CLRN2: variants seen among roughly 807,000 people sequenced by gnomAD.
The protein encoded by CLRN2 is clarin-2.
Under a neutral mutation model 20.1 loss-of-function variants are expected in CLRN2, and 17 were observed. That is an observed-to-expected ratio of 0.85 (90% CI 0.58 to 1.27). CLRN2 has a LOEUF of 1.27. Ranked by LOEUF, CLRN2 falls within the 50% of genes most tolerant of loss-of-function variation. The pLI is 0.00. For missense variants in CLRN2, 288 were observed against 299.5 expected (o/e 0.96, Z 0.28); for synonymous variants, 140 against 126.9 (o/e 1.10, Z -0.70).
chr4:17,519,818 C>T (rs1711790566), intron 1 of CLRN2, among the ~76,000 whole-genome samples: 1 of 152,128 alleles, frequency 6.6e-6, no homozygotes, highest in African/African-American at 2.4e-5. Context: ...GTAGAAAGAA[C>T]TGGTGCATTA....
At chr4:17,524,472 T>TATCA (rs894282947) in intron 2 of CLRN2, among the ~76,000 whole-genome samples, 1 of 152,146 alleles carries the variant, frequency 6.6e-6, no homozygotes, top group African/African-American at 2.4e-5. Flanking sequence ...TTATAATGTA[T>TATCA]ATCAATCAAT....
Position 17,527,077 on chromosome 4 carries a change from T to A in CLRN2, c.694T>A (p.Tyr232Asn). The A allele has an allele frequency of 6.2e-7, 1 of 1,613,768 alleles. No individual in the cohort carries two copies. Among genetic ancestry groups the A allele is most frequent in the Non-Finnish European group, 8.5e-7 (1 of 1,179,806 alleles). The change falls in exon 3 of 3, where the codon TAT (tyrosine) becomes AAT (asparagine). Residue 232 changes from tyrosine to asparagine, a missense_variant. Transcript: ENST00000511148. The part of the protein sequence containing the change: ...EATVTAEDIL[Y>N] ...CACGGTCACAGCTGAGGATATCTTG[T>A]ATTAATAGCCTTCCCCTGTTCACAA...
intron 2 of CLRN2, among the ~76,000 whole-genome samples, chr4:17,524,388 A>G (rs1489001661): frequency 6.6e-6 from 1 of 152,238 alleles, no homozygotes; most frequent in African/African-American, 2.4e-5. Flanking sequence ...AGGTACCATT[A>G]GAACAATAAT....
intron 1 of CLRN2, 71 bp from the exon 2 acceptor site, chr4:17,522,793 A>G (rs983088588): frequency 5.8e-5 from 88 of 1,530,176 alleles, no homozygotes; most frequent in Non-Finnish European, 3.0e-5. Flanking sequence ...CTTCGTGGTA[A>G]GCAAGCTTGG....
Position 17,527,082 on chromosome 4 carries a change from A to G in CLRN2, c.699A>G (p.Ter233=). ...TCACAGCTGAGGATATCTTGTATTA[A>G]TAGCCTTCCCCTGTTCACAACCTGT... The part of the protein sequence containing the change: ...ATVTAEDILY[*] Residue 233 remains the stop codon, a stop_retained_variant, in exon 3 of 3, where the codon TAA becomes TAG. Transcript: ENST00000511148. 6.2e-7 allele frequency: 1 copy of G among 1,613,652 alleles called. No individual in the cohort carries two copies. The highest frequency in any genetic ancestry group is 8.5e-7 in the Non-Finnish European group (1 of 1,179,784).
chr4:17,520,009 C>T (rs974676115), intron 1 of CLRN2, among the ~76,000 whole-genome samples: 2 of 152,010 alleles, frequency 1.3e-5, no homozygotes, highest in Non-Finnish European at 2.9e-5. Flanking sequence ...GCCCCAGCCT[C>T]GAATTTCTAA....
At chr4:17,519,246 A>T (rs534078431) in intron 1 of CLRN2, among the ~76,000 whole-genome samples, 2 of 152,356 alleles carry the variant, frequency 1.3e-5, no homozygotes, top group East Asian at 3.9e-4. Flanking sequence ...TGATAGAATG[A>T]TGCTGATAGA....
At chr4:17,515,613 C>T in intron 1 of CLRN2, 94 bp downstream of exon 1, 1 of 1,419,402 alleles carries the variant, frequency 7.0e-7, no homozygotes, top group Middle Eastern at 2.4e-4. Context: ...TTGGCTGCTG[C>T]CTCAACGTCA....
intron 1 of CLRN2, among the ~76,000 whole-genome samples, chr4:17,522,595 C>T (rs1711860632): frequency 6.6e-6 from 1 of 152,202 alleles, no homozygotes; most frequent in African/African-American, 2.4e-5. Flanking sequence ...GATCCCAGAG[C>T]TTCAAGCTCA....
chr4:17,521,900 C>T (rs1186015398), intron 1 of CLRN2, among the ~76,000 whole-genome samples: 1 of 152,152 alleles, frequency 6.6e-6, no homozygotes, highest in East Asian at 1.9e-4. Flanking sequence ...TCAGAAGATG[C>T]GTGTGACCCC....
At position 17,522,786 on chromosome 4, in the gene CLRN2, C is replaced by T. The variant is rs929259672; in HGVS notation, c.254-78C>T. On this transcript the variant is annotated intron_variant, in intron 1 of 2. Coordinates refer to ENST00000511148, the MANE Select transcript of CLRN2 (RefSeq NM_001079827.2). ...CCTCACCCCTGTCTGTCGAAGCCTT[C>T]GTGGTAAGCAAGCTTGGACTTCATG... 1.5e-5 allele frequency: 23 copies of T among 1,499,658 alleles called. No homozygotes were observed. The African/African-American group carries it at 1.8e-4, about 12-fold the overall frequency. 92.9% of individuals were successfully genotyped at this position (1,499,658 alleles called of 1,614,324 possible).
intron 2 of CLRN2, among the ~76,000 whole-genome samples, chr4:17,524,783 T>G (rs146789793): frequency 4.2e-4 from 63 of 150,620 alleles, no homozygotes; most frequent in South Asian, 1.0e-3. Context: ...TAGCTGTCCA[T>G]GGTGTCCGGT....
intron 2 of CLRN2, among the ~76,000 whole-genome samples, chr4:17,524,240 G>A (rs969274495): frequency 2.0e-5 from 3 of 150,630 alleles, no homozygotes; most frequent in Admixed American, 1.3e-4. Flanking sequence ...GTGTGTGCGC[G>A]CGCATGTTGA....
At chr4:17,525,076 T>C (rs1255970651) in intron 2 of CLRN2, among the ~76,000 whole-genome samples, 2 of 152,236 alleles carry the variant, frequency 1.3e-5, no homozygotes, top group Non-Finnish European at 2.9e-5. Flanking sequence ...TTTGAATATC[T>C]TTTGACTAAA....
chr4:17,515,965 T>C (rs550904917), intron 1 of CLRN2, among the ~76,000 whole-genome samples: 1 of 152,246 alleles, frequency 6.6e-6, no homozygotes, highest in East Asian at 1.9e-4. Flanking sequence ...CAGGAAACAG[T>C]AGAGCCGGAC....
intron 1 of CLRN2, among the ~76,000 whole-genome samples, chr4:17,518,015 T>C (rs1711723030): frequency 6.6e-6 from 1 of 151,058 alleles, no homozygotes; most frequent in African/African-American, 2.4e-5. Context: ...CAACCAGGAG[T>C]CTGTTTCTCC....
intron 1 of CLRN2, among the ~76,000 whole-genome samples, chr4:17,515,818 T>C (rs1000493695): frequency 3.9e-5 from 6 of 152,206 alleles, no homozygotes; most frequent in African/African-American, 1.4e-4. Context: ...GTGTCAGACA[T>C]TGTAAGCACC....
rs1018857416 is a variant in CLRN2, at chr4:17,515,627, A to T, written c.253+108A>T. The T allele has an allele frequency of 7.8e-6, 10 of 1,275,190 alleles. No homozygotes were observed. In the East Asian group the frequency reaches 2.0e-4, roughly 25 times the overall value. 79.0% of individuals were successfully genotyped at this position (1,275,190 alleles called of 1,614,324 possible). A position where few individuals can be genotyped will look rare whatever the true frequency, so the allele number is the denominator to read the frequency against. On this transcript the variant is annotated intron_variant, in intron 1 of 2. Coordinates refer to ENST00000511148, the MANE Select transcript of CLRN2 (RefSeq NM_001079827.2). ...TTTGGCTGCTGCCTCAACGTCAGGCATAATGTCAAAGTCCACAGTGAGCCA... is the reference window on the plus strand; with the variant it reads ...TTTGGCTGCTGCCTCAACGTCAGGCTTAATGTCAAAGTCCACAGTGAGCCA...
chr4:17,524,204 A>ATG lies in CLRN2; in HGVS notation c.433+1192_433+1193dup, dbSNP rs10527873. ...TGTTTTCCAAGCCAAAAACTACAAG[A>ATG]TGTGTGTGTGTGTGTGTGTGTGTGT... On this transcript the variant is annotated intron_variant, in intron 2 of 2. Coordinates refer to ENST00000511148, the MANE Select transcript of CLRN2 (RefSeq NM_001079827.2). 3.5e-3 allele frequency among the ~76,000 whole-genome samples: 520 copies of ATG among 148,614 alleles called. 2 individuals are homozygous for ATG. Among genetic ancestry groups the ATG allele is most frequent in the South Asian group, 0.011 (51 of 4,594 alleles).
Sources: allele counts gnomAD v4.1 joint callset (sites outside exome capture counted in the v4.1 genomes callset), GRCh38; gene constraint gnomAD v4.1.1; transcripts MANE v1.5; gene names NCBI Gene and HGNC (gene_info 2026-07-23, HGNC 2026-07-21).